Variants in FMN1 observed in about 807,000 individuals in gnomAD.
FMN1 encodes formin 1.
Under a neutral mutation model 132.4 loss-of-function variants are expected in FMN1, and 110 were observed. The observed-to-expected ratio is 0.83, with a 90% CI of 0.71 to 0.97. The LOEUF (loss-of-function observed/expected upper bound fraction) is 0.97. Among genes scored for constraint, FMN1 ranks in the 50% least tolerant of loss-of-function variants. FMN1 has a pLI of 0.00. For missense variants in FMN1, 1,792 were observed against 1,705.3 expected, an observed-to-expected ratio of 1.05 and a Z score of -0.90; for synonymous variants, 722 against 651.7, an observed-to-expected ratio of 1.11 and a Z score of -1.64.
intron 4 of FMN1, among the ~76,000 whole-genome samples, chr15:33,099,581 C>T (rs1285369985): frequency 3.9e-5 from 6 of 152,136 alleles, no homozygotes; most frequent in Admixed American, 6.6e-5. Flanking sequence ...TAAAAGAAGA[C>T]AGTGATGGTA....
In FMN1 at chr15:33,044,180, TGAG is replaced by T. The variant is rs1052116770; in HGVS notation, c.2161+20774_2161+20776del. On this transcript the variant is annotated intron_variant, in intron 6 of 20. Coordinates refer to ENST00000616417, the MANE Select transcript of FMN1 (RefSeq NM_001277313.2). ...GCACCAATGAGCATGGGATGGAGGC[TGAG>T]GAGGGGCTGAGGGCAGCTTAGCATT... 7.2e-5 allele frequency among the ~76,000 whole-genome samples: 11 copies of T among 152,168 alleles called. No homozygotes were observed. In the East Asian group the frequency reaches 9.7e-4, roughly 13 times the overall value.
intron 5 of FMN1, among the ~76,000 whole-genome samples, chr15:33,085,410 G>C (rs1210336307): frequency 1.3e-5 from 2 of 151,744 alleles, no homozygotes; most frequent in African/African-American, 2.4e-5. Context: ...TGTTGATTCA[G>C]AAAATAATCT....
At chr15:32,996,686 A>C (rs543067096) in intron 7 of FMN1, among the ~76,000 whole-genome samples, 1 of 152,364 alleles carries the variant, frequency 6.6e-6, no homozygotes, top group African/African-American at 2.4e-5. Flanking sequence ...AAGCTACAAC[A>C]AATTGCAGTG....
At chr15:32,869,019 G>A (rs2059455783) in intron 16 of FMN1, among the ~76,000 whole-genome samples, 1 of 152,178 alleles carries the variant, frequency 6.6e-6, no homozygotes, top group Non-Finnish European at 1.5e-5. Flanking sequence ...CTCTCCAGGA[G>A]AGAAAACTTA....
At chr15:32,791,912 A>T (rs1320826214) in intron 19 of FMN1, among the ~76,000 whole-genome samples, 1 of 152,048 alleles carries the variant, frequency 6.6e-6, no homozygotes, top group Non-Finnish European at 1.5e-5. Flanking sequence ...TGCAGTAGGA[A>T]ATGTAGGTCT....
Position 32,954,809 on chromosome 15 carries a change from T to C in FMN1, c.3138+9298A>G, listed in dbSNP as rs142372355. ...TCACTTGAGGTCAGTAGTTGGAGACTAGCCTGGCCAACATGGTGAAACCCC... is the reference window on the plus strand; with the variant it reads ...TCACTTGAGGTCAGTAGTTGGAGACCAGCCTGGCCAACATGGTGAAACCCC... On this transcript the variant is annotated intron_variant, in intron 9 of 20. Coordinates refer to ENST00000616417, the MANE Select transcript of FMN1 (RefSeq NM_001277313.2). 2.6e-3 allele frequency among the ~76,000 whole-genome samples: 389 copies of C among 152,232 alleles called. 1 individual carries two copies. Among genetic ancestry groups the C allele is most frequent in the Middle Eastern group, 6.8e-3 (2 of 294 alleles).
chr15:32,791,054 G>A (rs1419138856), intron 19 of FMN1, among the ~76,000 whole-genome samples: 1 of 152,122 alleles, frequency 6.6e-6, no homozygotes, highest in Non-Finnish European at 1.5e-5. Flanking sequence ...ATAATGGGGG[G>A]AATGCGGTAT....
intron 3 of FMN1, among the ~76,000 whole-genome samples, chr15:33,170,606 CA>C (rs1375961938): frequency 6.7e-6 from 1 of 149,934 alleles, no homozygotes; most frequent in Non-Finnish European, 1.5e-5. Context: ...GAATATTTCT[CA>C]AAAGACATAC....
chr15:32,791,256 TAAA>T (rs34636398), intron 19 of FMN1, among the ~76,000 whole-genome samples: 2 of 141,678 alleles, frequency 1.4e-5, no homozygotes, highest in African/African-American at 2.6e-5. Flanking sequence ...AGCTTTAGTG[TAAA>T]AAAAAAAAAA....
chr15:33,164,619 C>G lies in FMN1; in HGVS notation c.-131-9574G>C, dbSNP rs553286044. Among the ~76,000 whole-genome samples, 300 of 152,244 alleles carry G rather than the reference C, an allele frequency of 2.0e-3. 1 individual carries two copies. Among genetic ancestry groups the G allele is most frequent in the African/African-American group, 7.1e-3 (295 of 41,540 alleles). ...TTGCCTCTCCCTTACCTTTTCAAAG[C>G]TTAATTACATAAAGAAAAATGAGTA... is the stretch of plus-strand genomic sequence containing the variant. On this transcript the variant is annotated intron_variant, in intron 3 of 20. Transcript: ENST00000616417.
chr15:33,007,565 T>A (rs545178890), intron 7 of FMN1, among the ~76,000 whole-genome samples: 2 of 152,098 alleles, frequency 1.3e-5, no homozygotes, highest in Non-Finnish European at 2.9e-5. Flanking sequence ...CTCCTCCTCC[T>A]CCACCTCCTA....
At chr15:32,819,036 G>C (rs2058134000) in intron 17 of FMN1, among the ~76,000 whole-genome samples, 1 of 152,082 alleles carries the variant, frequency 6.6e-6, no homozygotes, top group Non-Finnish European at 1.5e-5. Flanking sequence ...TTATGAAGCT[G>C]AAGTCATTCC....
chr15:32,823,633 G>C (rs933263920), intron 17 of FMN1, among the ~76,000 whole-genome samples: 1 of 152,086 alleles, frequency 6.6e-6, no homozygotes, highest in African/African-American at 2.4e-5. Flanking sequence ...TACATGTTTT[G>C]AGCATTTTTA....
rs551825120 is a variant in FMN1 at position 33,113,064 on chromosome 15, A to G, written c.1868-24090T>C. Among the ~76,000 whole-genome samples, 14 of 152,304 alleles carry G rather than the reference A, an allele frequency of 9.2e-5. No individual in the cohort carries two copies. In the East Asian group the frequency reaches 2.7e-3, roughly 29 times the overall value. ...ACAAAAGAACAAAATACTTATATCT[A>G]AAGTACAACCAAAGTGTTTAACACC... On this transcript the variant is annotated intron_variant, in intron 4 of 20. Transcript: ENST00000616417.
intron 7 of FMN1, among the ~76,000 whole-genome samples, chr15:32,981,543 A>AATAATAATAATTATTATT (rs574939662): frequency 3.6e-5 from 5 of 138,402 alleles, no homozygotes; most frequent in African/African-American, 1.3e-4. Context: ...TAATAATAAT[A>AATAATAATAATTATTATT]ATTATTATTA....
intron 17 of FMN1, among the ~76,000 whole-genome samples, chr15:32,819,454 C>T (rs1198129823): frequency 6.6e-6 from 1 of 152,152 alleles, no homozygotes; most frequent in Non-Finnish European, 1.5e-5. Flanking sequence ...TGGTCACTAA[C>T]TTTATTCTGG....
chr15:33,094,334 G>T (rs935138294), intron 4 of FMN1, among the ~76,000 whole-genome samples: 1 of 152,194 alleles, frequency 6.6e-6, no homozygotes, highest in African/African-American at 2.4e-5. Context: ...GATGGGAGAA[G>T]CAAGTAATTT....
intron 20 of FMN1, among the ~76,000 whole-genome samples, chr15:32,775,523 G>C (rs1002652619): frequency 6.6e-6 from 1 of 152,148 alleles, no homozygotes. Flanking sequence ...GCTCATGAAG[G>C]AAGAAGACAA....
At chr15:32,960,375 G>A (rs564017690) in intron 9 of FMN1, among the ~76,000 whole-genome samples, 159 of 152,212 alleles carry the variant, frequency 1.0e-3, no homozygotes, top group Admixed American at 2.6e-3. Flanking sequence ...TCCTAGACAC[G>A]TGGGTACAAT....
Sources: gnomAD v4.1 joint callset for allele counts (sites outside exome capture counted in the v4.1 genomes callset) on GRCh38, gnomAD v4.1.1 for gene constraint, MANE v1.5 for transcripts, NCBI Gene and HGNC (gene_info 2026-07-23, HGNC 2026-07-21) for gene names.